The following TENM4 variants were observed in gnomAD, a reference collection of about 807,000 sequenced individuals.
The protein encoded by TENM4 is teneurin-4.
TENM4 carries 82 observed loss-of-function variants against 243.3 expected under a neutral mutation model. That is an observed-to-expected ratio of 0.34 (90% CI 0.28 to 0.40). The LOEUF is 0.40. Among genes scored for constraint, TENM4 ranks in the 10% least tolerant of loss-of-function variants. The pLI is 1.00. For missense variants in TENM4, 3,138 were observed against 3,673.3 expected (o/e 0.85, Z 3.77); for synonymous variants, 1,412 against 1,456.3 (o/e 0.97, Z 0.69).
At chr11:78,971,332 T>G (rs1439759293) in intron 6 of TENM4, among the ~76,000 whole-genome samples, 1 of 152,218 alleles carries the variant, frequency 6.6e-6, no homozygotes, top group Non-Finnish European at 1.5e-5. Flanking sequence ...AGACGGAGTC[T>G]TGCTCTGTCA....
intron 6 of TENM4, among the ~76,000 whole-genome samples, chr11:78,925,956 TAAA>T (rs1213501148): frequency 4.9e-5 from 7 of 142,294 alleles, no homozygotes; most frequent in Non-Finnish European, 9.2e-5. Flanking sequence ...GGAAAAGAAA[TAAA>T]AAAAAAAAAC....
chr11:79,170,424 C>T (rs1863014854), intron 3 of TENM4, among the ~76,000 whole-genome samples: 1 of 152,158 alleles, frequency 6.6e-6, no homozygotes, highest in Non-Finnish European at 1.5e-5. Flanking sequence ...GAAATCCTAA[C>T]CCCTAGTACC....
intron 1 of TENM4, among the ~76,000 whole-genome samples, chr11:79,323,323 A>G (rs963781655): frequency 3.3e-5 from 5 of 152,224 alleles, no homozygotes; most frequent in African/African-American, 1.2e-4. Flanking sequence ...TAAGTGAACC[A>G]AACTTCTAAT....
At chr11:79,215,294 G>A (rs748921930) in intron 3 of TENM4, among the ~76,000 whole-genome samples, 7 of 152,092 alleles carry the variant, frequency 4.6e-5, no homozygotes, top group Non-Finnish European at 1.0e-4. Flanking sequence ...AGCCATCTTA[G>A]GCACTAGACC....
At chr11:79,437,532 C>A (rs1404883698) in intron 1 of TENM4, among the ~76,000 whole-genome samples, 1 of 152,212 alleles carries the variant, frequency 6.6e-6, no homozygotes, top group Non-Finnish European at 1.5e-5. Context: ...CCGGCCGCCC[C>A]GCTGGTTCGC....
At chr11:78,739,598 G>A (rs1855875814) in intron 19 of TENM4, among the ~76,000 whole-genome samples, 1 of 152,026 alleles carries the variant, frequency 6.6e-6, no homozygotes, top group Admixed American at 6.6e-5. Flanking sequence ...AAATAAATGG[G>A]ACAACTAGAG....
intron 2 of TENM4, among the ~76,000 whole-genome samples, chr11:79,271,212 T>G (rs770600822): frequency 1.5e-4 from 23 of 152,180 alleles, no homozygotes; most frequent in Admixed American, 2.0e-4. Flanking sequence ...ACATTCAAAC[T>G]GAACTCAACA....
chr11:78,871,176 T>C (rs1450978187), intron 9 of TENM4, among the ~76,000 whole-genome samples: 1 of 152,212 alleles, frequency 6.6e-6, no homozygotes, highest in African/African-American at 2.4e-5. Context: ...CTGGTTCTGA[T>C]GTGACCAGTT....
intron 4 of TENM4, among the ~76,000 whole-genome samples, chr11:79,127,089 G>A (rs573952377): frequency 1.2e-4 from 18 of 152,072 alleles, no homozygotes; most frequent in Non-Finnish European, 1.9e-4. Flanking sequence ...TTTCCCCAGT[G>A]CTAGAATGCA....
chr11:78,899,382 C>CAGGA (rs1855873942), intron 7 of TENM4, among the ~76,000 whole-genome samples: 1 of 151,822 alleles, frequency 6.6e-6, no homozygotes, highest in Non-Finnish European at 1.5e-5. Context: ...TGCTTGTGCC[C>CAGGA]AGGAGTTCAA....
chr11:79,322,772 G>T (rs1226395146), intron 1 of TENM4, among the ~76,000 whole-genome samples: 1 of 152,142 alleles, frequency 6.6e-6, no homozygotes, highest in Admixed American at 6.5e-5. Flanking sequence ...AAATGTTATT[G>T]TTCACACAAT....
At chr11:79,285,700 T>C (rs537340215) in intron 2 of TENM4, among the ~76,000 whole-genome samples, 13 of 152,042 alleles carry the variant, frequency 8.6e-5, no homozygotes, top group Middle Eastern at 6.8e-3. Flanking sequence ...GAATAAAGTA[T>C]TGATTCATGC....
At chr11:78,806,188 A>G (rs1857383852) in intron 14 of TENM4, among the ~76,000 whole-genome samples, 1 of 152,190 alleles carries the variant, frequency 6.6e-6, no homozygotes, top group African/African-American at 2.4e-5. Flanking sequence ...AGTCCCAGCA[A>G]CTTGGGAGAC....
intron 1 of TENM4, among the ~76,000 whole-genome samples, chr11:79,428,960 C>T (rs1212214212): frequency 4.6e-5 from 7 of 152,270 alleles, no homozygotes; most frequent in Admixed American, 4.6e-4. Context: ...GACTAGTTCC[C>T]ACCTGGAACA....
intron 12 of TENM4, among the ~76,000 whole-genome samples, chr11:78,839,521 T>C (rs1219998461): frequency 6.6e-6 from 1 of 152,192 alleles, no homozygotes; most frequent in African/African-American, 2.4e-5. Flanking sequence ...TGAATTCCTA[T>C]TAAGTAAAAT....
intron 17 of TENM4, among the ~76,000 whole-genome samples, 197 bp downstream of exon 17, chr11:78,778,404 AG>A (rs1856778393): frequency 6.6e-6 from 1 of 152,170 alleles, no homozygotes; most frequent in African/African-American, 2.4e-5. Flanking sequence ...ATGACACTCC[AG>A]GTATATCAAC....
At position 79,125,032 on chromosome 11, in the gene TENM4, G is replaced by A. The variant is rs545671924; in HGVS notation, c.-66+23678C>T. ...AGAATATTAAGGATGGAGTATTTTGGTGGTTTCAGGGTTTCTGGAATTGGT... is the reference window on the plus strand; with the variant it reads ...AGAATATTAAGGATGGAGTATTTTGATGGTTTCAGGGTTTCTGGAATTGGT... On this transcript the variant is annotated intron_variant, in intron 4 of 33. Transcript: ENST00000278550. 2.0e-5 allele frequency among the ~76,000 whole-genome samples: 3 copies of A among 151,252 alleles called. No individual in the cohort carries two copies. In the East Asian group the frequency reaches 6.0e-4, roughly 30 times the overall value.
chr11:79,304,078 C>T (rs1856590135), intron 1 of TENM4, among the ~76,000 whole-genome samples: 1 of 152,162 alleles, frequency 6.6e-6, no homozygotes, highest in Non-Finnish European at 1.5e-5. Flanking sequence ...TCTGAACCTC[C>T]AGGCTTCACC....
At chr11:78,711,340 A>G (rs1859392430) in intron 26 of TENM4, among the ~76,000 whole-genome samples, 1 of 152,146 alleles carries the variant, frequency 6.6e-6, no homozygotes, top group African/African-American at 2.4e-5. Flanking sequence ...TTACATTCCT[A>G]ATATTCAATC....
Sources: allele counts gnomAD v4.1 joint callset (sites outside exome capture counted in the v4.1 genomes callset), GRCh38; gene constraint gnomAD v4.1.1; transcripts MANE v1.5; gene names NCBI Gene and HGNC (gene_info 2026-07-23, HGNC 2026-07-21).